The following WWOX variants were observed in gnomAD, a reference collection of about 807,000 sequenced individuals.
The protein encoded by WWOX is WW domain-containing oxidoreductase.
In WWOX, 69 loss-of-function variants were observed where a neutral mutation model predicts 46.2. The observed-to-expected ratio is 1.49, with a 90% CI of 1.23 to 1.82. The LOEUF is 1.82. Among genes scored for constraint, WWOX ranks in the 40% most tolerant of loss-of-function variants. The pLI, the probability that WWOX is intolerant of heterozygous loss-of-function variation, is 0.00. For missense variants in WWOX, 919 were observed against 542.6 expected, an observed-to-expected ratio of 1.69 and a Z score of -6.89; for synonymous variants, 359 against 202.6, an observed-to-expected ratio of 1.77 and a Z score of -6.56.
At chr16:78,850,256 A>G (rs747014057) in intron 8 of WWOX, among the ~76,000 whole-genome samples, 2 of 152,266 alleles carry the variant, frequency 1.3e-5, no homozygotes, top group Admixed American at 6.5e-5. Context: ...GACAACAGCC[A>G]TGGTCAGTAT....
chr16:78,406,195 T>C (rs936666712), intron 6 of WWOX, among the ~76,000 whole-genome samples: 33 of 150,870 alleles, frequency 2.2e-4, no homozygotes, highest in African/African-American at 7.5e-4. Context: ...TACTATTATT[T>C]AATGTTTATT....
At chr16:78,738,386 A>G (rs1597521089) in intron 8 of WWOX, among the ~76,000 whole-genome samples, 1 of 152,216 alleles carries the variant, frequency 6.6e-6, no homozygotes. Context: ...TGCCATTTGA[A>G]GATTCTCCCT....
chr16:78,454,127 C>T (rs758106863), intron 8 of WWOX, among the ~76,000 whole-genome samples: 42 of 152,118 alleles, frequency 2.8e-4, no homozygotes, highest in Non-Finnish European at 4.6e-4. Context: ...TAGAGTTTCT[C>T]GTTTCTTGAG....
intron 8 of WWOX, among the ~76,000 whole-genome samples, chr16:78,984,580 C>T (rs1422485681): frequency 1.3e-5 from 2 of 152,190 alleles, no homozygotes; most frequent in Non-Finnish European, 2.9e-5. Context: ...CTGGCATCAA[C>T]TTTGTTCGGA....
intron 8 of WWOX, among the ~76,000 whole-genome samples, chr16:78,511,807 T>C (rs1003763205): frequency 6.6e-6 from 1 of 152,178 alleles, no homozygotes; most frequent in African/African-American, 2.4e-5. Context: ...CTGGCAGACA[T>C]GGGATGGCTT....
At chr16:78,793,027 C>T (rs2050645153) in intron 8 of WWOX, among the ~76,000 whole-genome samples, 1 of 152,170 alleles carries the variant, frequency 6.6e-6, no homozygotes, top group Non-Finnish European at 1.5e-5. Flanking sequence ...TTCCTTGCCC[C>T]CGCTGCCCCC....
intron 8 of WWOX, among the ~76,000 whole-genome samples, chr16:78,594,120 A>ACTC (rs1300829322): frequency 2.6e-5 from 4 of 151,432 alleles, no homozygotes; most frequent in African/African-American, 9.7e-5. Context: ...CTCCTTCTCA[A>ACTC]CTCCTCCTCC....
intron 5 of WWOX, among the ~76,000 whole-genome samples, chr16:78,261,635 G>C (rs1469098920): frequency 6.7e-6 from 1 of 149,718 alleles, no homozygotes; most frequent in Non-Finnish European, 1.5e-5. Flanking sequence ...TACGTGTTTG[G>C]GAATCAGGGA....
intron 8 of WWOX, chr16:78,897,743 CCAAA>C (rs1196050691): frequency 1.3e-5 from 2 of 151,634 alleles, no homozygotes; most frequent in African/African-American, 4.9e-5. Context: ...AAGAATGCTG[CCAAA>C]CAGTTGTCTA....
intron 8 of WWOX, among the ~76,000 whole-genome samples, chr16:78,458,080 C>T (rs2083866147): frequency 1.3e-5 from 2 of 151,330 alleles, no homozygotes; most frequent in South Asian, 2.1e-4. Context: ...TTTACCTGGG[C>T]TTAGTAAGTT....
intron 8 of WWOX, among the ~76,000 whole-genome samples, chr16:78,644,611 G>A (rs1046450751): frequency 6.6e-6 from 1 of 152,068 alleles, no homozygotes; most frequent in African/African-American, 2.4e-5. Flanking sequence ...ACAGGAGCCT[G>A]CCACCACGCC....
At chr16:78,156,386 A>G (rs376912428) in intron 4 of WWOX, among the ~76,000 whole-genome samples, 2 of 152,188 alleles carry the variant, frequency 1.3e-5, no homozygotes, top group Non-Finnish European at 2.9e-5. Context: ...AACTACAGTG[A>G]GCAGTATCTT....
At chr16:78,402,298 C>G (rs150148334) in intron 6 of WWOX, among the ~76,000 whole-genome samples, 1 of 152,000 alleles carries the variant, frequency 6.6e-6, no homozygotes, top group Non-Finnish European at 1.5e-5. Context: ...TATGTTATTG[C>G]AAAAATCAGT....
intron 6 of WWOX, among the ~76,000 whole-genome samples, chr16:78,391,637 C>T (rs1427723475): frequency 1.3e-5 from 2 of 152,110 alleles, no homozygotes; most frequent in African/African-American, 2.4e-5. Context: ...TGCTTGAGGC[C>T]AGGAGTTTGA....
chr16:78,599,515 C>T (rs1430305644), intron 8 of WWOX, among the ~76,000 whole-genome samples: 1 of 152,216 alleles, frequency 6.6e-6, no homozygotes, highest in African/African-American at 2.4e-5. Context: ...CATGGATGGC[C>T]CTGGTCATGT....
At chr16:78,890,496 A>G (rs1597112428) in intron 8 of WWOX, 2 of 152,036 alleles carry the variant, frequency 1.3e-5, no homozygotes, top group South Asian at 2.1e-4. Flanking sequence ...TGCTGTCTGA[A>G]CTGGGCAAGC....
intron 8 of WWOX, among the ~76,000 whole-genome samples, chr16:78,788,157 C>G (rs1162490398): frequency 6.6e-6 from 1 of 152,004 alleles, no homozygotes; most frequent in Non-Finnish European, 1.5e-5. Flanking sequence ...TGATGAAGTC[C>G]CCTTTATCTA....
chr16:78,489,045 A>C (rs983363280), intron 8 of WWOX, among the ~76,000 whole-genome samples: 2 of 152,120 alleles, frequency 1.3e-5, no homozygotes, highest in Non-Finnish European at 2.9e-5. Flanking sequence ...TTTCAGAAAC[A>C]CTTCAGGAGA....
intron 8 of WWOX, among the ~76,000 whole-genome samples, chr16:79,116,668 C>A (rs1288889472): frequency 2.0e-5 from 3 of 152,120 alleles, no homozygotes; most frequent in African/African-American, 7.2e-5. Flanking sequence ...TCAAGACTTA[C>A]TTCCTCCACT....
Sources: gnomAD v4.1 joint callset for allele counts (sites outside exome capture counted in the v4.1 genomes callset) on GRCh38, gnomAD v4.1.1 for gene constraint, MANE v1.5 for transcripts, NCBI Gene and HGNC (gene_info 2026-07-23, HGNC 2026-07-21) for gene names.